Variants in CEP85L observed in about 807,000 individuals in gnomAD.
CEP85L encodes the protein centrosomal protein of 85 kDa-like.
Under a neutral mutation model 100.3 loss-of-function variants are expected in CEP85L, and 60 were observed. That is an observed-to-expected ratio of 0.60 (90% CI 0.49 to 0.74). CEP85L has a LOEUF of 0.74. CEP85L is among the 30% of genes least tolerant of loss of function. CEP85L has a pLI of 0.00. For synonymous variants in CEP85L, 319 were observed against 322.7 expected (o/e 0.99, Z 0.12); for missense variants, 973 against 936.2 (o/e 1.04, Z -0.51).
intron 3 of CEP85L, chr6:118,559,995 A>T (rs1779129400): frequency 6.0e-6 from 1 of 167,116 alleles, no homozygotes; most frequent in Non-Finnish European, 1.5e-5. Flanking sequence ...ATGATTTTGC[A>T]GGTTGTCTTC....
intron 6 of CEP85L, among the ~76,000 whole-genome samples, chr6:118,488,279 T>G (rs1774325594): frequency 6.6e-6 from 1 of 151,798 alleles, no homozygotes; most frequent in African/African-American, 2.4e-5. Context: ...ATACCCAACA[T>G]AAAGATGCTC....
chr6:118,665,177 G>A (rs1275060339), intron 1 of CEP85L, among the ~76,000 whole-genome samples: 4 of 152,102 alleles, frequency 2.6e-5, no homozygotes, highest in Admixed American at 1.3e-4. Flanking sequence ...GGTAAGATGA[G>A]TGGGAACCTG....
At chr6:118,496,359 T>A (rs994755252) in intron 5 of CEP85L, among the ~76,000 whole-genome samples, 1 of 132,422 alleles carries the variant, frequency 7.6e-6, no homozygotes, top group Non-Finnish European at 1.6e-5. Flanking sequence ...TTTATATTTT[T>A]TATTTTATTT....
chr6:118,613,114 AG>A (rs1772762174), intron 2 of CEP85L, among the ~76,000 whole-genome samples: 1 of 152,170 alleles, frequency 6.6e-6, no homozygotes, highest in South Asian at 2.1e-4. Flanking sequence ...CAGGAGGCTG[AG>A]GCAAGAGAAT....
At chr6:118,538,413 A>AT (rs1777723567) in intron 3 of CEP85L, among the ~76,000 whole-genome samples, 1 of 151,954 alleles carries the variant, frequency 6.6e-6, no homozygotes, top group Non-Finnish European at 1.5e-5. Flanking sequence ...ATATATATAT[A>AT]AAAAACATCT....
intron 4 of CEP85L, among the ~76,000 whole-genome samples, chr6:118,516,970 G>A (rs1362554186): frequency 6.6e-6 from 1 of 152,160 alleles, no homozygotes; most frequent in Non-Finnish European, 1.5e-5. Flanking sequence ...CATATGGCTA[G>A]CCAGTTTTCC....
At chr6:118,505,035 G>A (rs1775554969) in intron 5 of CEP85L, among the ~76,000 whole-genome samples, 1 of 152,096 alleles carries the variant, frequency 6.6e-6, no homozygotes, top group Non-Finnish European at 1.5e-5. Context: ...GTAGGTGAAG[G>A]CTGTGCATGT....
At chr6:118,586,477 T>C (rs1241486942) in intron 2 of CEP85L, among the ~76,000 whole-genome samples, 3 of 152,002 alleles carry the variant, frequency 2.0e-5, no homozygotes, top group African/African-American at 7.3e-5. Context: ...CCTCTCTCTC[T>C]CCCTTCCTAA....
intron 2 of CEP85L, among the ~76,000 whole-genome samples, chr6:118,603,493 A>G (rs755256986): frequency 2.6e-5 from 4 of 152,252 alleles, no homozygotes; most frequent in Non-Finnish European, 4.4e-5. Flanking sequence ...AGTTAAGAAT[A>G]CTCGCAACTA....
chr6:118,521,597 G>A (rs1776671020), intron 4 of CEP85L, among the ~76,000 whole-genome samples: 1 of 152,128 alleles, frequency 6.6e-6, no homozygotes, highest in South Asian at 2.1e-4. Flanking sequence ...CTGGTCTAGT[G>A]ACTAACAGAA....
At chr6:118,502,802 G>A (rs1374673752) in intron 5 of CEP85L, 4 of 625,472 alleles carry the variant, frequency 6.4e-6, no homozygotes, top group East Asian at 5.9e-5. Flanking sequence ...AGGTGATATC[G>A]TAAGCATGTA....
intron 2 of CEP85L, among the ~76,000 whole-genome samples, chr6:118,585,887 G>A (rs1366609536): frequency 3.9e-5 from 6 of 152,122 alleles, no homozygotes; most frequent in Non-Finnish European, 8.8e-5. Context: ...CAAAGACAAA[G>A]GGCATTCAAT....
intron 2 of CEP85L, among the ~76,000 whole-genome samples, chr6:118,611,940 A>G (rs1772656417): frequency 1.3e-5 from 2 of 152,226 alleles, no homozygotes; most frequent in African/African-American, 4.8e-5. Flanking sequence ...TGATAGAAAA[A>G]CTAGACAGAA....
At chr6:118,528,503 C>T (rs1483293846) in intron 3 of CEP85L, among the ~76,000 whole-genome samples, 6 of 152,076 alleles carry the variant, frequency 3.9e-5, no homozygotes, top group Non-Finnish European at 7.4e-5. Context: ...AAAAGGATTC[C>T]TTTCCCTGTA....
In CEP85L at chr6:118,565,659, T is replaced by C; in HGVS notation, c.890A>G (p.Gln297Arg). Residue 297 changes from glutamine (Q) to arginine (R), a missense_variant, in exon 3 of 13, where the codon CAG becomes CGG. By Grantham distance (43) the Gln-to-Arg change is conservative. Around this residue, in one of 3 missense-constraint regions of CEP85L, gnomAD observed 890 missense variants for 844.5 expected, o/e 1.05. Transcript: ENST00000368491. Reference protein sequence around the residue: ...GVPIQPSVRTQMWLTEQLRTN... With the variant: ...GVPIQPSVRTRMWLTEQLRTN... The stretch of plus-strand genomic sequence containing the variant: ...CCGCAGCTGCTCTGTAAGCCACATC[T>C]GAGTCCTTACGGAAGGCTGAATGGG... 6.2e-7 allele frequency: 1 copy of C among 1,614,232 alleles called. No individual in the cohort carries two copies. Among genetic ancestry groups the C allele is most frequent in the Non-Finnish European group, 8.5e-7 (1 of 1,180,040 alleles).
intron 3 of CEP85L, among the ~76,000 whole-genome samples, chr6:118,553,296 T>C (rs911328792): frequency 3.3e-5 from 5 of 149,818 alleles, no homozygotes; most frequent in Admixed American, 3.3e-4. Context: ...AACCATGCCA[T>C]AAATTATAAT....
intron 2 of CEP85L, among the ~76,000 whole-genome samples, chr6:118,629,995 G>T (rs1172786720): frequency 6.6e-6 from 1 of 152,164 alleles, no homozygotes; most frequent in Non-Finnish European, 1.5e-5. Flanking sequence ...AGGCCACAAA[G>T]ATTTTCTTCT....
chr6:118,581,743 G>C (rs567109597), intron 2 of CEP85L, among the ~76,000 whole-genome samples: 7 of 152,020 alleles, frequency 4.6e-5, no homozygotes, highest in African/African-American at 1.7e-4. Flanking sequence ...CCAACAGATC[G>C]TCTTCAGCAT....
intron 7 of CEP85L, 91 bp downstream of exon 7, chr6:118,483,615 A>T: frequency 5.1e-6 from 6 of 1,175,128 alleles, no homozygotes; most frequent in Middle Eastern, 4.0e-4. Flanking sequence ...GCAATTAAAC[A>T]CATAGATTTA....
Sources: gnomAD v4.1 joint callset for allele counts (sites outside exome capture counted in the v4.1 genomes callset) on GRCh38, gnomAD v4.1.1 for gene constraint, gnomAD v4.1.1 regional missense constraint, MANE v1.5 for transcripts, NCBI Gene and HGNC (gene_info 2026-07-23, HGNC 2026-07-21) for gene names.